The following DNER variants were observed in gnomAD, a reference collection of about 807,000 sequenced individuals.
DNER encodes delta/notch like EGF repeat containing.
In DNER, 33 loss-of-function variants were observed where a neutral mutation model predicts 78.2. The observed-to-expected ratio is 0.42, with a 90% CI of 0.32 to 0.56. The LOEUF is 0.56. Among genes scored for constraint, DNER ranks in the 20% least tolerant of loss-of-function variants. DNER has a pLI of 0.11. For synonymous variants in DNER, 417 were observed against 384.8 expected, an observed-to-expected ratio of 1.08 and a Z score of -0.98; for missense variants, 918 against 975.3, an observed-to-expected ratio of 0.94 and a Z score of 0.78.
intron 8 of DNER, among the ~76,000 whole-genome samples, chr2:229,440,496 C>A (rs1030169731): frequency 2.0e-5 from 3 of 152,158 alleles, no homozygotes; most frequent in Admixed American, 6.5e-5. Context: ...CTACCTCCAA[C>A]CTCAAAGCAA....
chr2:229,381,883 C>T lies in DNER; in HGVS notation c.1855+6382G>A, dbSNP rs561391900. On this transcript the variant is annotated intron_variant, in intron 11 of 12. Coordinates refer to ENST00000341772, the MANE Select transcript of DNER (RefSeq NM_139072.4). The stretch of plus-strand genomic sequence containing the variant: ...AGACTTAAATGTTCCTGCCTGCCGG[C>T]TCTGAAGAGAGCAGTGGATCTCCCA... 2.0e-3 allele frequency among the ~76,000 whole-genome samples: 307 copies of T among 152,342 alleles called. 1 individual carries two copies. Among genetic ancestry groups the T allele is most frequent in the African/African-American group, 7.1e-3 (296 of 41,588 alleles).
chr2:229,586,816 T>C, intron 3 of DNER: 3 of 985,878 alleles, frequency 3.0e-6, no homozygotes, highest in Non-Finnish European at 3.6e-6. Context: ...CCAGTGCTCC[T>C]GGAGAAGATC....
chr2:229,372,160 G>A (rs929703491), intron 11 of DNER, among the ~76,000 whole-genome samples: 1 of 152,218 alleles, frequency 6.6e-6, no homozygotes, highest in African/African-American at 2.4e-5. Flanking sequence ...TGACAGGGAT[G>A]GAAAGCAAGG....
At chr2:229,499,869 A>C (rs1015499851) in intron 6 of DNER, among the ~76,000 whole-genome samples, 1 of 152,202 alleles carries the variant, frequency 6.6e-6, no homozygotes, top group Non-Finnish European at 1.5e-5. Context: ...AAACAACTCA[A>C]TAGCAAGAAA....
chr2:229,539,916 G>T (rs11890586), intron 5 of DNER, among the ~76,000 whole-genome samples: 6,217 of 152,232 alleles, frequency 0.041, 421 homozygotes, highest in African/African-American at 0.14. Flanking sequence ...TGTCCCTGCG[G>T]CCTTGTAACT....
intron 1 of DNER, among the ~76,000 whole-genome samples, chr2:229,654,116 C>T (rs1403995918): frequency 1.3e-5 from 2 of 151,702 alleles, no homozygotes; most frequent in Admixed American, 1.3e-4. Flanking sequence ...ATCCCCCACT[C>T]CCCCCACCCC....
chr2:229,410,974 C>A (rs7604025), intron 9 of DNER, among the ~76,000 whole-genome samples: 40,698 of 152,070 alleles, frequency 0.27, 5,735 homozygotes, highest in South Asian at 0.36. Context: ...TAGATCTCAA[C>A]ATTTTCTAAA....
intron 5 of DNER, among the ~76,000 whole-genome samples, chr2:229,519,312 G>A (rs1696046311): frequency 6.6e-6 from 1 of 152,006 alleles, no homozygotes; most frequent in South Asian, 2.1e-4. Flanking sequence ...AGTCTTCTCA[G>A]CAGCTATATT....
intron 9 of DNER, among the ~76,000 whole-genome samples, chr2:229,410,297 C>G (rs773667862): frequency 6.6e-5 from 10 of 152,208 alleles, no homozygotes; most frequent in Non-Finnish European, 1.3e-4. Context: ...CTTATCTGCT[C>G]TCCTGTCTGA....
intron 5 of DNER, among the ~76,000 whole-genome samples, chr2:229,520,617 AT>A (rs113435443): frequency 4.0e-5 from 6 of 151,822 alleles, no homozygotes; most frequent in Admixed American, 1.3e-4. Flanking sequence ...TAAAACAAAC[AT>A]TTTTTTTTAA....
intron 4 of DNER, among the ~76,000 whole-genome samples, chr2:229,552,012 A>G (rs7597541): frequency 0.031 from 4,729 of 152,298 alleles, 248 homozygotes; most frequent in African/African-American, 0.11. Flanking sequence ...TTTTATGAAC[A>G]TGTAATATAG....
chr2:229,551,297 A>G (rs541430594), intron 4 of DNER, among the ~76,000 whole-genome samples: 6 of 152,356 alleles, frequency 3.9e-5, no homozygotes, highest in Admixed American at 3.3e-4. Context: ...TTCTGAAAAC[A>G]GATTGAGCCT....
rs141958511 is a variant in DNER, at chr2:229,591,571, C to G, written c.585+9G>C. 7.0e-5 allele frequency: 112 copies of G among 1,610,444 alleles called. No homozygotes were observed. The East Asian group carries it at 2.3e-3, about 33-fold the overall frequency. ...TAATGTAAAAATGCACATGATATAA[C>G]GTTCTCACCTCCACTTGATCCCATT... On this transcript the variant is annotated intron_variant, in intron 2 of 12. Transcript: ENST00000341772. The surrounding 1 kb of genome is among the most constrained non-coding windows in gnomAD (Gnocchi z 4.6).
intron 1 of DNER, among the ~76,000 whole-genome samples, chr2:229,684,163 A>AGTGTGTGT (rs1386422582): frequency 2.3e-5 from 3 of 130,362 alleles, no homozygotes; most frequent in African/African-American, 6.0e-5. Context: ...AGAGAGAGAG[A>AGTGTGTGT]GAGAGAGTGT....
chr2:229,402,911 G>T (rs1693298205), intron 10 of DNER, among the ~76,000 whole-genome samples: 1 of 152,184 alleles, frequency 6.6e-6, no homozygotes, highest in Non-Finnish European at 1.5e-5. Flanking sequence ...GAACTGTGTA[G>T]AAGGAATGAA....
At chr2:229,388,689 T>C (rs1410831516) in intron 10 of DNER, among the ~76,000 whole-genome samples, 1 of 138,264 alleles carries the variant, frequency 7.2e-6, no homozygotes, top group Admixed American at 7.4e-5. Context: ...ACTTAACTAG[T>C]TAACTAGCTT....
chr2:229,447,460 C>G lies in DNER; in HGVS notation c.1342G>C (p.Asp448His). 2 of 1,614,164 alleles carry G rather than the reference C, an allele frequency of 1.2e-6. No homozygotes were observed. Among genetic ancestry groups the G allele is most frequent in the South Asian group, 1.1e-5 (1 of 91,068 alleles). The change falls in exon 8 of 13, where the codon GAC (aspartate) becomes CAC (histidine). Residue 448 changes from aspartate to histidine, a missense_variant. Physicochemically the swap from Asp to His is moderately conservative, Grantham distance 81 (BLOSUM62 -1). Coordinates refer to ENST00000341772, the MANE Select transcript of DNER (RefSeq NM_139072.4). Reference protein sequence around the residue: ...PCQNNGTCYVDGVHFTCNCSP... With the variant: ...PCQNNGTCYVHGVHFTCNCSP... Reference sequence around the variant, plus strand: ...CAGTTGCAGGTAAAGTGTACCCCGTCCACATAGCAGGTGCCGTTGTTCTGG... The same window carrying G: ...CAGTTGCAGGTAAAGTGTACCCCGTGCACATAGCAGGTGCCGTTGTTCTGG...
At chr2:229,546,420 A>G (rs1230991715) in intron 5 of DNER, among the ~76,000 whole-genome samples, 2 of 152,242 alleles carry the variant, frequency 1.3e-5, no homozygotes, top group African/African-American at 4.8e-5. Context: ...TAGAAAATAG[A>G]GAGAATCTTC....
chr2:229,437,435 G>A (rs892984772), intron 8 of DNER, among the ~76,000 whole-genome samples: 1 of 152,128 alleles, frequency 6.6e-6, no homozygotes, highest in African/African-American at 2.4e-5. Flanking sequence ...AGAAATACAG[G>A]GCATTGTCCC....
Sources: allele counts gnomAD v4.1 joint callset (sites outside exome capture counted in the v4.1 genomes callset), GRCh38; gene constraint gnomAD v4.1.1; non-coding constraint Gnocchi (gnomAD v3.1); transcripts MANE v1.5; gene names NCBI Gene and HGNC (gene_info 2026-07-23, HGNC 2026-07-21).